Variants in TBC1D8 observed in about 807,000 individuals in gnomAD.
TBC1D8 encodes TBC1 domain family member 8.
Under a neutral mutation model 118.8 loss-of-function variants are expected in TBC1D8, and 65 were observed. That is an observed-to-expected ratio of 0.55 (90% confidence interval 0.45 to 0.67). The LOEUF (loss-of-function observed/expected upper bound fraction) is 0.67. Ranked by LOEUF, TBC1D8 falls within the 30% of genes least tolerant of loss-of-function variation. TBC1D8 has a pLI of 0.00. For synonymous variants in TBC1D8, 566 were observed against 595.8 expected, an observed-to-expected ratio of 0.95 and a Z score of 0.73; for missense variants, 1,376 against 1,471.2, an observed-to-expected ratio of 0.94 and a Z score of 1.06.
At chr2:101,023,807 G>C in intron 15 of TBC1D8, 1 of 258,444 alleles carries the variant, frequency 3.9e-6, no homozygotes, top group South Asian at 3.9e-5. Context: ...TAACTGCAGG[G>C]TTCTTGACCA....
At chr2:101,064,728 C>G (rs1319564462) in intron 2 of TBC1D8, among the ~76,000 whole-genome samples, 28 of 152,148 alleles carry the variant, frequency 1.8e-4, no homozygotes, top group Admixed American at 1.8e-3. Context: ...ACACTGATGA[C>G]TTAGGAGTAA....
In TBC1D8 at chr2:101,090,349, G is replaced by A; in HGVS notation, c.143C>T (p.Ala48Val). Residue 48 changes from alanine (A) to valine (V), a missense_variant, in exon 2 of 20, where the codon GCT (alanine) becomes GTT (valine). Transcript: ENST00000409318. ...ATTGGAATCCAACACTGCATCCAGA[G>A]CGCCGACCAGGCGACCTTCAAAAGA... ...GGRLTGRLVG[A>V]LDAVLDSNAR... 6.2e-7 allele frequency: 1 copy of A among 1,614,006 alleles called. No individual in the cohort carries two copies. The highest frequency in any genetic ancestry group is 8.5e-7 in the Non-Finnish European group (1 of 1,179,876).
intron 17 of TBC1D8, among the ~76,000 whole-genome samples, chr2:101,017,239 T>C (rs950258049): frequency 6.6e-6 from 1 of 152,122 alleles, no homozygotes; most frequent in Non-Finnish European, 1.5e-5. Context: ...GAATAGCGCC[T>C]GAAGGACCTG....
rs183715743 is a variant in TBC1D8, at chr2:101,130,765, C to T, written c.127+20362G>A. On this transcript the variant is annotated intron_variant, in intron 1 of 19. Coordinates refer to ENST00000409318, the MANE Select transcript of TBC1D8 (RefSeq NM_001330348.2). ...GGATAGGATCTAGTTTTGTTCACTG[C>T]TACATCCAGGTGCCTGGGAAAGAGC... Among the ~76,000 whole-genome samples the T allele has an allele frequency of 1.7e-3, 256 of 152,290 alleles. 3 individuals carry two copies. Among genetic ancestry groups the T allele is most frequent in the East Asian group, 1.9e-3 (10 of 5,176 alleles).
rs1177866443 is a variant in TBC1D8 at position 101,028,155 on chromosome 2, A to T, written c.2353-9T>A. 1.2e-6 allele frequency: 2 copies of T among 1,613,346 alleles called. No individual in the cohort carries two copies. The highest frequency in any genetic ancestry group is 3.3e-5 in the Admixed American group (2 of 59,956). On this transcript the variant is annotated splice_polypyrimidine_tract_variant and intron_variant, in intron 13 of 19. Transcript: ENST00000409318. ...GACTGGTCTCCAAATTTCTGCAGGG[A>T]AAAAAGGGACCACTTGCTCAGTCCC...
rs1204276854 is a variant in TBC1D8 at position 101,054,142 on chromosome 2, G to A, written c.597C>T (p.His199=). 6.2e-7 allele frequency: 1 copy of A among 1,613,242 alleles called. No individual in the cohort carries two copies. The highest frequency in any genetic ancestry group is 1.3e-5 in the African/African-American group (1 of 74,920). Residue 199 remains histidine, a synonymous_variant, in exon 4 of 20, where the codon CAC becomes CAT. Coordinates refer to ENST00000409318, the MANE Select transcript of TBC1D8 (RefSeq NM_001330348.2). ...CCAGGAAGAAGGAGTAGAAGCAGAG[G>A]TGGTTGATGCTGAGGTACAGCCAGC... is the stretch of plus-strand genomic sequence containing the variant. The part of the protein sequence containing the change: ...RQGWLYLSIN[H]LCFYSFFLGK...
At chr2:101,026,776 G>A (rs533957443) in intron 15 of TBC1D8, among the ~76,000 whole-genome samples, 80 of 152,280 alleles carry the variant, frequency 5.3e-4, no homozygotes, top group African/African-American at 1.9e-3. Flanking sequence ...GCCTGAAGAT[G>A]TTCTTTGCAG....
intron 1 of TBC1D8, among the ~76,000 whole-genome samples, chr2:101,098,642 G>T (rs1167927792): frequency 1.3e-5 from 2 of 152,064 alleles, no homozygotes; most frequent in African/African-American, 4.8e-5. Context: ...AAATACAAAA[G>T]AACTAAAATC....
chr2:101,032,508 C>T (rs1573902946), intron 10 of TBC1D8, 123 bp from the exon 11 acceptor site: 3 of 717,330 alleles, frequency 4.2e-6, no homozygotes, highest in Non-Finnish European at 4.9e-6. Context: ...ATCCAGCATA[C>T]ACCAACCACA....
At chr2:101,121,049 T>C (rs1185380276) in intron 1 of TBC1D8, among the ~76,000 whole-genome samples, 4 of 152,202 alleles carry the variant, frequency 2.6e-5, no homozygotes, top group Non-Finnish European at 5.9e-5. Context: ...AGTAGCATGA[T>C]AACGTTGAAG....
At chr2:101,122,059 C>T (rs1409307596) in intron 1 of TBC1D8, among the ~76,000 whole-genome samples, 2 of 149,662 alleles carry the variant, frequency 1.3e-5, no homozygotes, top group South Asian at 2.1e-4. Context: ...CAGTGAGACT[C>T]CATTTCTTTT....
chr2:101,082,668 T>A (rs1484184585), intron 2 of TBC1D8, among the ~76,000 whole-genome samples: 1 of 152,302 alleles, frequency 6.6e-6, no homozygotes, highest in East Asian at 1.9e-4. Context: ...TAATAAGTGG[T>A]CACCAAAAGA....
chr2:101,078,499 AT>A (rs1290355443), intron 2 of TBC1D8, among the ~76,000 whole-genome samples: 1 of 152,112 alleles, frequency 6.6e-6, no homozygotes, highest in Non-Finnish European at 1.5e-5. Flanking sequence ...GACTGGCCAT[AT>A]TTTTCAGAGA....
chr2:101,022,162 C>T, intron 16 of TBC1D8, 119 bp downstream of exon 16: 2 of 1,492,146 alleles, frequency 1.3e-6, no homozygotes, highest in South Asian at 2.5e-5. Context: ...AAGTTCATGT[C>T]AGGCCAGTCA....
At chr2:101,094,984 C>A (rs550063093) in intron 1 of TBC1D8, among the ~76,000 whole-genome samples, 1 of 152,208 alleles carries the variant, frequency 6.6e-6, no homozygotes, top group East Asian at 1.9e-4. Flanking sequence ...AGCCATAAAT[C>A]GTAGGAATAT....
At chr2:101,041,974 G>A (rs979442207) in intron 5 of TBC1D8, among the ~76,000 whole-genome samples, 1 of 151,698 alleles carries the variant, frequency 6.6e-6, no homozygotes, top group Non-Finnish European at 1.5e-5. Flanking sequence ...GCAGTGAGTC[G>A]AGATCGCGCC....
At position 101,022,238 on chromosome 2, in the gene TBC1D8, C is replaced by T. The variant is rs1426766617; in HGVS notation, c.2761+43G>A. ...CCACTTTGTGTTCTGCTCACAGACC[C>T]ACACCCCAAAGCACATCACTGCGAA... is the stretch of plus-strand genomic sequence containing the variant. On this transcript the variant is annotated intron_variant, in intron 16 of 19. Transcript: ENST00000409318. 4 of 1,611,954 alleles carry T rather than the reference C, an allele frequency of 2.5e-6. No homozygotes were observed. In the East Asian group the frequency reaches 6.7e-5, roughly 27 times the overall value.
chr2:101,027,455 G>C lies in TBC1D8; in HGVS notation c.2452-4C>G. ...CTTCCGGGATAACGACTCGAAGCTT[G>C]AGGAAAGAATAAACAGCAATGGCGT... On this transcript the variant is annotated splice_polypyrimidine_tract_variant and splice_region_variant and intron_variant, in intron 14 of 19. Transcript: ENST00000409318. 6.2e-7 allele frequency: 1 copy of C among 1,612,552 alleles called. No individual in the cohort carries two copies. Among genetic ancestry groups the C allele is most frequent in the Non-Finnish European group, 8.5e-7 (1 of 1,178,856 alleles).
intron 1 of TBC1D8, among the ~76,000 whole-genome samples, chr2:101,093,701 C>A (rs1459360842): frequency 6.6e-6 from 1 of 151,708 alleles, no homozygotes; most frequent in Non-Finnish European, 1.5e-5. Flanking sequence ...GGCAACAGAG[C>A]AAGACTCCAT....
Sources: allele counts gnomAD v4.1 joint callset (sites outside exome capture counted in the v4.1 genomes callset), GRCh38; gene constraint gnomAD v4.1.1; transcripts MANE v1.5; gene names NCBI Gene and HGNC (gene_info 2026-07-23, HGNC 2026-07-21).